CFAP77: variants seen among roughly 807,000 people sequenced by gnomAD.
CFAP77 encodes the protein cilia and flagella associated protein 77.
In CFAP77, 25 loss-of-function variants were observed where a neutral mutation model predicts 31.1. The ratio of observed to expected loss-of-function variants is 0.80; its 90% CI spans 0.59 to 1.12. CFAP77 has a LOEUF of 1.12. Among genes scored for constraint, CFAP77 ranks in the 50% most tolerant of loss-of-function variants. The pLI is 0.00. For missense variants in CFAP77, 377 were observed against 397.3 expected, an observed-to-expected ratio of 0.95 and a Z score of 0.44; for synonymous variants, 151 against 159.9, an observed-to-expected ratio of 0.94 and a Z score of 0.42.
chr9:132,418,441 C>A (rs781476489), intron 1 of CFAP77, among the ~76,000 whole-genome samples: 13 of 152,200 alleles, frequency 8.5e-5, no homozygotes, highest in Non-Finnish European at 1.6e-4. Context: ...ATCCTTCACC[C>A]GTGGTTCATG....
intron 1 of CFAP77, among the ~76,000 whole-genome samples, chr9:132,448,214 G>C (rs941554956): frequency 6.6e-6 from 1 of 151,990 alleles, no homozygotes; most frequent in Non-Finnish European, 1.5e-5. Flanking sequence ...CACACACACT[G>C]TTACTATATG....
chr9:132,445,853 AGT>A (rs1850700700), intron 1 of CFAP77, among the ~76,000 whole-genome samples: 1 of 148,978 alleles, frequency 6.7e-6, no homozygotes, highest in Admixed American at 6.7e-5. Flanking sequence ...TGGGCGACAG[AGT>A]GAGACTCGAT....
chr9:132,464,040 C>G (rs2131728677), intron 1 of CFAP77, among the ~76,000 whole-genome samples: 1 of 152,336 alleles, frequency 6.6e-6, no homozygotes, highest in East Asian at 1.9e-4. Context: ...TTCCCTCATT[C>G]CGCATCACAA....
rs141395473 is a variant in CFAP77 at position 132,442,696 on chromosome 9, T to C, written c.195+32230T>C. ...GAGGCAAAATTCGCATGATATTCGA[T>C]CATTTTTATATATGTACTTATTTTT... On this transcript the variant is annotated intron_variant, in intron 1 of 5. Coordinates refer to ENST00000393216, the MANE Select transcript of CFAP77 (RefSeq NM_001282957.2). 1.4e-3 allele frequency among the ~76,000 whole-genome samples: 208 copies of C among 152,106 alleles called. 1 individual carries two copies. The highest frequency in any genetic ancestry group is 4.9e-3 in the African/African-American group (202 of 41,464).
At chr9:132,434,652 C>T (rs1381566655) in intron 1 of CFAP77, among the ~76,000 whole-genome samples, 2 of 152,114 alleles carry the variant, frequency 1.3e-5, no homozygotes, top group Non-Finnish European at 2.9e-5. Context: ...AGCAAAATAT[C>T]TGTGCGTACA....
intron 1 of CFAP77, among the ~76,000 whole-genome samples, chr9:132,449,027 C>A (rs1185282670): frequency 6.6e-6 from 1 of 152,142 alleles, no homozygotes; most frequent in Non-Finnish European, 1.5e-5. Context: ...GGGCTGTGGA[C>A]AAGGGTAGGG....
At position 132,480,529 on chromosome 9, in the gene CFAP77, C is replaced by G. The variant is rs545755074; in HGVS notation, c.196-18166C>G. The stretch of plus-strand genomic sequence containing the variant: ...CCTACTGTGTGCCGGGCACCGGAGA[C>G]GCCACAGCAAATGAGACAGGTCTGT... On this transcript the variant is annotated intron_variant, in intron 1 of 5. Coordinates refer to ENST00000393216, the MANE Select transcript of CFAP77 (RefSeq NM_001282957.2). This position sits in a 1 kb window ranked among gnomAD's most constrained non-coding sequence, Gnocchi z 5.8. 6.6e-6 allele frequency among the ~76,000 whole-genome samples: 1 copy of G among 152,306 alleles called. No homozygotes were observed. The highest frequency in any genetic ancestry group is 1.9e-4 in the East Asian group (1 of 5,172).
At chr9:132,555,929 C>T (rs150564150) in intron 5 of CFAP77, among the ~76,000 whole-genome samples, 2,024 of 152,222 alleles carry the variant, frequency 0.013, 28 homozygotes, top group Non-Finnish European at 0.021. Flanking sequence ...CGAGAATCAA[C>T]ATGCAAAACA....
chr9:132,526,557 C>T (rs1179248422), intron 3 of CFAP77, among the ~76,000 whole-genome samples: 2 of 149,976 alleles, frequency 1.3e-5, no homozygotes, highest in Admixed American at 6.6e-5. Context: ...AAAAACTAAA[C>T]ACCAGGAGCT....
rs1564251167 is a variant in CFAP77, at chr9:132,554,944, CCATCCAT to C, written c.732+11899_732+11905del. Among the ~76,000 whole-genome samples the C allele has an allele frequency of 2.8e-4, 17 of 59,672 alleles. No individual in the cohort carries two copies. Among genetic ancestry groups the C allele is most frequent in the African/African-American group, 3.8e-4 (4 of 10,482 alleles). 39.1% of individuals were successfully genotyped at this position (59,672 alleles called of 152,430 possible). A position where few individuals can be genotyped will look rare whatever the true frequency, so the allele number is the denominator to read the frequency against. The stretch of plus-strand genomic sequence containing the variant: ...TGCATGCATCCATCCATCCACCCAT[CCATCCAT>C]CCATCCATCCATCCATCCATCCATC... On this transcript the variant is annotated intron_variant, in intron 5 of 5. Transcript: ENST00000393216. The surrounding 1 kb of genome is among the most constrained non-coding windows in gnomAD (Gnocchi z 4.1).
At position 132,554,455 on chromosome 9, in the gene CFAP77, C is replaced by T. The variant is rs539709862; in HGVS notation, c.732+11408C>T. Among the ~76,000 whole-genome samples the T allele has an allele frequency of 1.3e-5, 2 of 152,220 alleles. No individual in the cohort carries two copies. Among genetic ancestry groups the T allele is most frequent in the Admixed American group, 1.3e-4 (2 of 15,290 alleles). Reference sequence around the variant, plus strand: ...AGGCTCAGGTGATCCCCCACCTCAGCCTCCCAAGTAGTTGGGACTACAGGT... The same window carrying T: ...AGGCTCAGGTGATCCCCCACCTCAGTCTCCCAAGTAGTTGGGACTACAGGT... On this transcript the variant is annotated intron_variant, in intron 5 of 5. Coordinates refer to ENST00000393216, the MANE Select transcript of CFAP77 (RefSeq NM_001282957.2). This position sits in a 1 kb window ranked among gnomAD's most constrained non-coding sequence, Gnocchi z 4.1.
chr9:132,503,720 G>T (rs1005465803), intron 3 of CFAP77, among the ~76,000 whole-genome samples: 1 of 152,090 alleles, frequency 6.6e-6, no homozygotes, highest in Non-Finnish European at 1.5e-5. Context: ...TCATGGCAGG[G>T]CTTGGCCTGG....
At chr9:132,438,537 ATATATT>A (rs1287798228) in intron 1 of CFAP77, among the ~76,000 whole-genome samples, 17 of 116,172 alleles carry the variant, frequency 1.5e-4, no homozygotes, top group African/African-American at 5.7e-4. Context: ...ATATATATAT[ATATATT>A]TTTTTTTTTT....
intron 1 of CFAP77, among the ~76,000 whole-genome samples, chr9:132,492,319 A>G (rs1200310486): frequency 6.6e-6 from 1 of 152,018 alleles, no homozygotes; most frequent in Non-Finnish European, 1.5e-5. Context: ...CAAAAAACAA[A>G]ACAACAACAA....
rs2118952045 is a variant in CFAP77, at chr9:132,495,982, C to T, written c.196-2713C>T. Among the ~76,000 whole-genome samples, 1 of 152,298 alleles carries T rather than the reference C, an allele frequency of 6.6e-6. No individual in the cohort carries two copies. The highest frequency in any genetic ancestry group is 2.4e-5 in the African/African-American group (1 of 41,574). ...AGAAATAAATGTCTATTGTTGAAGCCACCCAGTCAATGATAATTTGCTATG... is the reference window on the plus strand; with the variant it reads ...AGAAATAAATGTCTATTGTTGAAGCTACCCAGTCAATGATAATTTGCTATG... On this transcript the variant is annotated intron_variant, in intron 1 of 5. Coordinates refer to ENST00000393216, the MANE Select transcript of CFAP77 (RefSeq NM_001282957.2). The surrounding 1 kb of genome is among the most constrained non-coding windows in gnomAD (Gnocchi z 4.2).
At chr9:132,462,478 C>G (rs879575952) in intron 1 of CFAP77, among the ~76,000 whole-genome samples, 1 of 152,112 alleles carries the variant, frequency 6.6e-6, no homozygotes, top group Admixed American at 6.5e-5. Context: ...GGCTTCTGTG[C>G]CCCCACTCCA....
intron 1 of CFAP77, among the ~76,000 whole-genome samples, chr9:132,484,961 G>A (rs780813016): frequency 3.3e-5 from 5 of 151,478 alleles, no homozygotes; most frequent in Admixed American, 6.6e-5. Context: ...CGATTCTCCC[G>A]CCTCAACCTC....
At chr9:132,492,705 G>A (rs995206822) in intron 1 of CFAP77, among the ~76,000 whole-genome samples, 3 of 152,202 alleles carry the variant, frequency 2.0e-5, no homozygotes, top group Admixed American at 2.0e-4. Context: ...GCAGTAACAG[G>A]GGAGCCGGGC....
intron 3 of CFAP77, among the ~76,000 whole-genome samples, chr9:132,532,866 T>C (rs1026540558): frequency 1.3e-5 from 2 of 152,038 alleles, no homozygotes; most frequent in African/African-American, 4.8e-5. Context: ...CCGGGCAACA[T>C]AGTGAGACCC....
Sources: gnomAD v4.1 joint callset for allele counts (sites outside exome capture counted in the v4.1 genomes callset) on GRCh38, gnomAD v4.1.1 for gene constraint, Gnocchi (gnomAD v3.1) non-coding constraint, MANE v1.5 for transcripts, NCBI Gene and HGNC (gene_info 2026-07-23, HGNC 2026-07-21) for gene names.